STOX2: variants seen among roughly 807,000 people sequenced by gnomAD.
STOX2 encodes storkhead-box protein 2.
Under a neutral mutation model 60.9 loss-of-function variants are expected in STOX2, and 28 were observed. The observed-to-expected ratio is 0.46, with a 90% CI of 0.34 to 0.63. STOX2 has a LOEUF of 0.63. Ranked by LOEUF, STOX2 falls within the 30% of genes least tolerant of loss-of-function variation. The pLI, the probability that STOX2 is intolerant of heterozygous loss-of-function variation, is 0.01. For missense variants in STOX2, 1,024 were observed against 1,187.7 expected, an observed-to-expected ratio of 0.86 and a Z score of 2.03; for synonymous variants, 472 against 463.9, an observed-to-expected ratio of 1.02 and a Z score of -0.22.
chr4:183,967,126 G>A (rs1403436249), intron 1 of STOX2, among the ~76,000 whole-genome samples: 1 of 152,154 alleles, frequency 6.6e-6, no homozygotes, highest in Non-Finnish European at 1.5e-5. Context: ...ACTTTGGGAG[G>A]CCGAGGTGGG....
chr4:183,869,580 C>A (rs542504142), intron 1 of STOX2, among the ~76,000 whole-genome samples: 3 of 152,208 alleles, frequency 2.0e-5, no homozygotes, highest in Admixed American at 2.0e-4. Context: ...TGAAATTAGA[C>A]CCAACTCTCA....
intron 1 of STOX2, among the ~76,000 whole-genome samples, chr4:183,954,420 C>T (rs1457438322): frequency 6.6e-6 from 1 of 151,856 alleles, no homozygotes; most frequent in Non-Finnish European, 1.5e-5. Context: ...TCCTGAGTAG[C>T]TGGGATTACA....
rs1018916249 is a variant in STOX2, at chr4:184,017,014, G to T, written c.2586-75G>T. ...AGGAAATCCATTAACGACATCATTTGCTCTTCCTCTGGGGCTCAATTTATA... is the reference window on the plus strand; with the variant it reads ...AGGAAATCCATTAACGACATCATTTTCTCTTCCTCTGGGGCTCAATTTATA... On this transcript the variant is annotated intron_variant, in intron 3 of 3. Coordinates refer to ENST00000308497, the MANE Select transcript of STOX2 (RefSeq NM_020225.3). 8.1e-6 allele frequency: 10 copies of T among 1,240,612 alleles called. No individual in the cohort carries two copies. The Admixed American group carries it at 1.4e-4, about 17-fold the overall frequency. The allele number at this position is 1,240,612 out of a possible 1,614,324, so 76.9% of individuals were successfully genotyped here.
chr4:183,855,776 T>C (rs1740271769), intron 1 of STOX2, among the ~76,000 whole-genome samples: 1 of 152,154 alleles, frequency 6.6e-6, no homozygotes, highest in Admixed American at 6.5e-5. Context: ...GAAGGTATGG[T>C]TGGAATGATG....
At position 183,906,784 on chromosome 4, in the gene STOX2, C is replaced by A; in HGVS notation, c.-7C>A. 1.3e-6 allele frequency: 2 copies of A among 1,525,764 alleles called. No individual in the cohort carries two copies. The highest frequency in any genetic ancestry group is 1.8e-6 in the Non-Finnish European group (2 of 1,131,864). 94.5% of individuals were successfully genotyped at this position (1,525,764 alleles called of 1,614,324 possible). Reference sequence around the variant, plus strand: ...GAGGATCGGGGCGGCAGGTCGCCCTCCCCACCATGAAGAAGACCCGGAGCA... The same window carrying A: ...GAGGATCGGGGCGGCAGGTCGCCCTACCCACCATGAAGAAGACCCGGAGCA... On this transcript the variant is annotated 5_prime_UTR_variant, in exon 1 of 4. Transcript: ENST00000308497.
chr4:183,929,963 A>G (rs896604214), intron 1 of STOX2, among the ~76,000 whole-genome samples: 2 of 151,884 alleles, frequency 1.3e-5, no homozygotes, highest in Admixed American at 1.3e-4. Flanking sequence ...TCCCGGGTTC[A>G]CGCCATTCTC....
intron 1 of STOX2, among the ~76,000 whole-genome samples, chr4:183,846,491 G>A (rs1037025502): frequency 6.6e-6 from 1 of 151,974 alleles, no homozygotes; most frequent in African/African-American, 2.4e-5. Flanking sequence ...GGGTAATCTC[G>A]ATTGACCTAT....
chr4:183,928,823 A>C (rs188199941), intron 1 of STOX2, among the ~76,000 whole-genome samples: 64 of 152,192 alleles, frequency 4.2e-4, no homozygotes, highest in African/African-American at 8.7e-4. Context: ...AACAAACAAA[A>C]AAAAAACAAC....
rs151086630 is a variant in STOX2, at chr4:183,946,757, C to T, written c.166+39801C>T. On this transcript the variant is annotated intron_variant, in intron 1 of 3. Coordinates refer to ENST00000308497, the MANE Select transcript of STOX2 (RefSeq NM_020225.3). ...TCTCCTGCTTCACCCTCCTGAGTAG[C>T]TGGGATTACAGGTGCGTGCCACCAC... Among the ~76,000 whole-genome samples, 170 of 152,062 alleles carry T rather than the reference C, an allele frequency of 1.1e-3. 1 individual carries two copies. Among genetic ancestry groups the T allele is most frequent in the African/African-American group, 3.8e-3 (158 of 41,478 alleles).
intron 1 of STOX2, among the ~76,000 whole-genome samples, chr4:183,994,545 G>T (rs750988871): frequency 2.6e-5 from 4 of 152,226 alleles, no homozygotes; most frequent in Non-Finnish European, 5.9e-5. Context: ...CTAGACACCC[G>T]TGCCATATGA....
intron 1 of STOX2, among the ~76,000 whole-genome samples, chr4:183,823,731 C>T (rs1041629869): frequency 3.3e-5 from 5 of 152,204 alleles, no homozygotes; most frequent in South Asian, 4.1e-4. Context: ...GAGGCTGCCG[C>T]GGGTTTGAAA....
At chr4:183,927,412 C>A (rs1462605355) in intron 1 of STOX2, among the ~76,000 whole-genome samples, 9 of 152,086 alleles carry the variant, frequency 5.9e-5, no homozygotes, top group Admixed American at 1.3e-4. Context: ...TAACAGTGAA[C>A]AGTTATTGTT....
chr4:183,855,146 G>A (rs1278554219), intron 1 of STOX2, among the ~76,000 whole-genome samples: 2 of 152,230 alleles, frequency 1.3e-5, no homozygotes, highest in Non-Finnish European at 2.9e-5. Context: ...TCCCACAGCT[G>A]TCGAATACGA....
At chr4:183,995,291 CTTTTTTTTTTTTTTTTTT>C (rs61681165) in intron 1 of STOX2, among the ~76,000 whole-genome samples, 4 of 79,450 alleles carry the variant, frequency 5.0e-5, no homozygotes, top group South Asian at 4.4e-4. Context: ...TTATTTTAGT[CTTTTTTTTTTTTTTTTTT>C]TTTTTTTTTT....
At position 184,011,152 on chromosome 4, in the gene STOX2, G is replaced by C; in HGVS notation, c.2314G>C (p.Asp772His). The C allele has an allele frequency of 1.3e-6, 2 of 1,577,020 alleles. 1 individual carries two copies. Among genetic ancestry groups the C allele is most frequent in the South Asian group, 2.4e-5 (2 of 84,124 alleles). ...AGGAGGGAACCAGGAAGCCTCTTTT[G>C]ACTATTACAACGTCTCTGATGATGA... The part of the protein sequence containing the change: ...ESGGNQEASF[D>H]YYNVSDDDDS... The change falls in exon 3 of 4, where the codon GAC becomes CAC. Residue 772 changes from aspartate to histidine, a missense_variant. Around this residue, in one of 3 missense-constraint regions of STOX2, gnomAD observed 922 missense variants for 1,058.3 expected, o/e 0.87. Coordinates refer to ENST00000308497, the MANE Select transcript of STOX2 (RefSeq NM_020225.3). The surrounding 1 kb of genome is among the most constrained non-coding windows in gnomAD (Gnocchi z 4.4).
intron 1 of STOX2, among the ~76,000 whole-genome samples, chr4:183,976,553 G>T (rs1732456810): frequency 6.6e-6 from 1 of 151,464 alleles, no homozygotes; most frequent in Non-Finnish European, 1.5e-5. Context: ...CAGACTACTA[G>T]AGGGGGAGGG....
At chr4:183,988,100 G>T (rs549722613) in intron 1 of STOX2, among the ~76,000 whole-genome samples, 4 of 151,676 alleles carry the variant, frequency 2.6e-5, no homozygotes, top group Non-Finnish European at 5.9e-5. Flanking sequence ...GCCACCCCGC[G>T]CCTGGGGTAC....
At chr4:183,929,866 T>TTCC (rs1742362780) in intron 1 of STOX2, among the ~76,000 whole-genome samples, 1 of 151,262 alleles carries the variant, frequency 6.6e-6, no homozygotes, top group Non-Finnish European at 1.5e-5. Flanking sequence ...ATATAACTTT[T>TTCC]TTCTTCTTCT....
intron 1 of STOX2, among the ~76,000 whole-genome samples, chr4:183,859,081 T>G (rs1413874246): frequency 6.6e-6 from 1 of 152,210 alleles, no homozygotes; most frequent in Non-Finnish European, 1.5e-5. Context: ...TTCTCTCCTC[T>G]GAATAAGATC....
Sources: allele counts gnomAD v4.1 joint callset (sites outside exome capture counted in the v4.1 genomes callset), GRCh38; gene constraint gnomAD v4.1.1; regional missense constraint gnomAD v4.1.1; non-coding constraint Gnocchi (gnomAD v3.1); transcripts MANE v1.5; gene names NCBI Gene and HGNC (gene_info 2026-07-23, HGNC 2026-07-21).